DOCK2: variants seen among roughly 807,000 people sequenced by gnomAD.
DOCK2 encodes dedicator of cytokinesis 2, also known as dedicator of cytokinesis protein 2.
In DOCK2, 87 loss-of-function variants were observed where a neutral mutation model predicts 248.9. The observed-to-expected ratio is 0.35, with a 90% CI of 0.29 to 0.42. DOCK2 has a LOEUF of 0.42. DOCK2 is among the 10% of genes least tolerant of loss of function. DOCK2 has a pLI of 1.00. For missense variants in DOCK2, 1,747 were observed against 2,300.2 expected (o/e 0.76, Z 4.92); for synonymous variants, 805 against 821.6 (o/e 0.98, Z 0.35).
intron 27 of DOCK2, among the ~76,000 whole-genome samples, chr5:169,844,154 G>A (rs970175410): frequency 6.6e-6 from 1 of 152,166 alleles, no homozygotes; most frequent in East Asian, 1.9e-4. Flanking sequence ...GCCATAATGA[G>A]AAAAACCTGG....
chr5:169,781,644 A>G (rs1389109845), intron 25 of DOCK2, among the ~76,000 whole-genome samples: 1 of 152,174 alleles, frequency 6.6e-6, no homozygotes, highest in African/African-American at 2.4e-5. Flanking sequence ...GTTTGGATGT[A>G]CCCAGATTAG....
rs1027352079 is a variant in DOCK2 at position 170,036,433 on chromosome 5, C to T, written c.3625-82C>T. ...ACCCAGATACTAGACAGCAATCTTCCTCTCATCTTCATCACCACACCCTTG... is the reference window on the plus strand; with the variant it reads ...ACCCAGATACTAGACAGCAATCTTCTTCTCATCTTCATCACCACACCCTTG... On this transcript the variant is annotated intron_variant, in intron 35 of 51. Coordinates refer to ENST00000520908, the MANE Select transcript of DOCK2 (RefSeq NM_004946.3). The T allele has an allele frequency of 9.2e-6, 13 of 1,417,604 alleles. No individual in the cohort carries two copies. In the Admixed American group the frequency reaches 1.1e-4, roughly 13 times the overall value. The allele number at this position is 1,417,604 out of a possible 1,614,324, so 87.8% of individuals were successfully genotyped here.
chr5:169,747,991 G>A (rs1763704500), intron 23 of DOCK2, among the ~76,000 whole-genome samples: 1 of 152,182 alleles, frequency 6.6e-6, no homozygotes, highest in African/African-American at 2.4e-5. Context: ...GGAAGGAGTT[G>A]AGCAGCTAAG....
At chr5:170,064,026 G>A (rs1341714717) in intron 44 of DOCK2, among the ~76,000 whole-genome samples, 3 of 152,160 alleles carry the variant, frequency 2.0e-5, no homozygotes, top group African/African-American at 7.2e-5. Flanking sequence ...ACTGGGTACT[G>A]ACAGGAAGTG....
chr5:169,991,325 G>A (rs987687479), intron 29 of DOCK2, among the ~76,000 whole-genome samples: 1 of 152,236 alleles, frequency 6.6e-6, no homozygotes, highest in African/African-American at 2.4e-5. Flanking sequence ...GCCTCACATG[G>A]AACAGTTTTG....
chr5:169,656,379 A>G lies in DOCK2; in HGVS notation c.127+1893A>G, dbSNP rs147419391. Among the ~76,000 whole-genome samples the G allele has an allele frequency of 8.0e-4, 120 of 150,742 alleles. 4 individuals are homozygous for G. The East Asian group carries it at 0.022, about 28-fold the overall frequency. ...GCTTTTGTCTCCCAAGCTGGAGTGC[A>G]GTGATGCGATCTCGGCTCACTGCAG... On this transcript the variant is annotated intron_variant, in intron 2 of 51. Coordinates refer to ENST00000520908, the MANE Select transcript of DOCK2 (RefSeq NM_004946.3).
At chr5:169,822,671 G>T (rs1042202516) in intron 26 of DOCK2, among the ~76,000 whole-genome samples, 1 of 152,110 alleles carries the variant, frequency 6.6e-6, no homozygotes, top group East Asian at 1.9e-4. Flanking sequence ...AAGCAGGAAA[G>T]ATCTAAAATT....
At chr5:170,057,982 C>G (rs1385550459) in intron 44 of DOCK2, among the ~76,000 whole-genome samples, 1 of 152,132 alleles carries the variant, frequency 6.6e-6, no homozygotes, top group Non-Finnish European at 1.5e-5. Context: ...TTAATCATTT[C>G]CATCTCCCCC....
intron 27 of DOCK2, among the ~76,000 whole-genome samples, chr5:169,978,112 C>T (rs897865501): frequency 3.3e-5 from 5 of 152,062 alleles, no homozygotes; most frequent in Admixed American, 3.3e-4. Context: ...TGGTCGTGCG[C>T]ATTATTTGAA....
At chr5:169,987,837 G>GA (rs2113790060) in intron 29 of DOCK2, among the ~76,000 whole-genome samples, 1 of 152,274 alleles carries the variant, frequency 6.6e-6, no homozygotes, top group Non-Finnish European at 1.5e-5. Context: ...GTACATTAAA[G>GA]AAAAAAGTTA....
chr5:169,827,565 A>C (rs1020221522), intron 26 of DOCK2, among the ~76,000 whole-genome samples: 2 of 152,228 alleles, frequency 1.3e-5, no homozygotes, highest in South Asian at 2.1e-4. Flanking sequence ...GATCAGGGCT[A>C]TGGATTAAAG....
intron 27 of DOCK2, among the ~76,000 whole-genome samples, chr5:169,964,501 G>A (rs994196050): frequency 9.2e-5 from 14 of 152,330 alleles, no homozygotes; most frequent in Middle Eastern, 3.4e-3. Context: ...GGGAGCTGGC[G>A]GCCCTGTGGC....
chr5:169,687,081 T>G (rs1357142822), intron 8 of DOCK2, among the ~76,000 whole-genome samples: 2 of 152,110 alleles, frequency 1.3e-5, no homozygotes, highest in Non-Finnish European at 2.9e-5. Context: ...GTGCTTCTCC[T>G]GGAAGAAAAT....
intron 22 of DOCK2, among the ~76,000 whole-genome samples, chr5:169,719,634 A>C (rs1318315744): frequency 6.6e-6 from 1 of 152,060 alleles, no homozygotes; most frequent in East Asian, 1.9e-4. Context: ...CTAGATCTGG[A>C]CTCTGCTTTC....
intron 1 of DOCK2, among the ~76,000 whole-genome samples, chr5:169,647,825 C>T (rs916028823): frequency 2.0e-5 from 3 of 152,132 alleles, no homozygotes; most frequent in African/African-American, 7.2e-5. Context: ...CTGTGACTTG[C>T]AGTTTAGCCT....
intron 27 of DOCK2, among the ~76,000 whole-genome samples, chr5:169,895,595 G>A (rs1773551631): frequency 6.6e-6 from 1 of 151,750 alleles, no homozygotes; most frequent in African/African-American, 2.4e-5. Context: ...CTTTCACCCT[G>A]ACTCCAGCCA....
In DOCK2 at chr5:170,080,217, A is replaced by C. The variant is rs776143581; in HGVS notation, c.5221A>C (p.Ile1741Leu). ...SDTNLSEHAAIPLKASVLSQM... is the reference protein window; with the variant it reads ...SDTNLSEHAALPLKASVLSQM... ...CACCAACCTCTCGGAGCATGCGGCCATCCCCCTCAAGGCGTCTGTCCTCTC... is the reference window on the plus strand; with the variant it reads ...CACCAACCTCTCGGAGCATGCGGCCCTCCCCCTCAAGGCGTCTGTCCTCTC... The change falls in exon 50 of 52, where the codon ATC becomes CTC. Residue 1741 changes from isoleucine to leucine, a missense_variant. Physicochemically the swap from Ile to Leu is conservative, Grantham distance 5. Transcript: ENST00000520908. 10 of 1,614,060 alleles carry C rather than the reference A, an allele frequency of 6.2e-6. No homozygotes were observed. The highest frequency in any genetic ancestry group is 8.5e-6 in the Non-Finnish European group (10 of 1,180,002).
chr5:169,665,854 C>A (rs2113256636), intron 2 of DOCK2, among the ~76,000 whole-genome samples: 1 of 152,224 alleles, frequency 6.6e-6, no homozygotes, highest in East Asian at 1.9e-4. Context: ...TATTTTAAAT[C>A]TCCTGCCTCC....
At chr5:169,865,793 G>T (rs1213270255) in intron 27 of DOCK2, among the ~76,000 whole-genome samples, 1 of 152,212 alleles carries the variant, frequency 6.6e-6, no homozygotes, top group Non-Finnish European at 1.5e-5. Flanking sequence ...CCCCATGTTG[G>T]TTTATGATGT....
Sources: gnomAD v4.1 joint callset for allele counts (sites outside exome capture counted in the v4.1 genomes callset) on GRCh38, gnomAD v4.1.1 for gene constraint, MANE v1.5 for transcripts, NCBI Gene and HGNC (gene_info 2026-07-23, HGNC 2026-07-21) for gene names.